The following LRBA variants were observed in gnomAD, a reference collection of about 807,000 sequenced individuals.
The protein encoded by LRBA is LPS responsive beige-like anchor protein.
In LRBA, 176 loss-of-function variants were observed where a neutral mutation model predicts 330.0. The observed-to-expected ratio is 0.53, with a 90% CI of 0.47 to 0.60. The LOEUF is 0.60. LRBA is among the 20% of genes least tolerant of loss of function. The pLI, the probability that LRBA is intolerant of heterozygous loss-of-function variation, is 0.00. For missense variants in LRBA, 3,259 were observed against 3,444.8 expected (o/e 0.95, Z 1.35); for synonymous variants, 1,230 against 1,193.0 (o/e 1.03, Z -0.64).
chr4:150,702,046 T>C (rs1271595755), intron 36 of LRBA, among the ~76,000 whole-genome samples: 1 of 151,914 alleles, frequency 6.6e-6, no homozygotes, highest in African/African-American at 2.4e-5. Flanking sequence ...TAGGAGAAAA[T>C]CAAGCGGGAG....
At chr4:150,319,455 T>C (rs564966168) in intron 50 of LRBA, among the ~76,000 whole-genome samples, 2 of 152,278 alleles carry the variant, frequency 1.3e-5, no homozygotes, top group East Asian at 3.9e-4. Flanking sequence ...ATCACCAGCA[T>C]GTTTTTCTTC....
chr4:150,559,672 TTA>T (rs1767872825), intron 40 of LRBA, among the ~76,000 whole-genome samples: 13 of 85,492 alleles, frequency 1.5e-4, no homozygotes, highest in Admixed American at 6.5e-4. Flanking sequence ...AATATATATA[TTA>T]TATAATATAT....
chr4:150,686,641 T>G (rs946799092), intron 36 of LRBA, among the ~76,000 whole-genome samples: 4 of 152,134 alleles, frequency 2.6e-5, no homozygotes, highest in Admixed American at 1.3e-4. Context: ...CTTTCAACAT[T>G]CTCTACTATA....
chr4:150,868,436 TA>T, intron 20 of LRBA, 131 bp from the exon 21 acceptor site: 7 of 485,024 alleles, frequency 1.4e-5, no homozygotes, highest in Non-Finnish European at 2.5e-5. Flanking sequence ...CTTCTGTTAT[TA>T]AAAAAAATCA....
intron 40 of LRBA, among the ~76,000 whole-genome samples, chr4:150,492,562 TTC>T (rs1236616332): frequency 6.6e-6 from 1 of 152,222 alleles, no homozygotes; most frequent in East Asian, 1.9e-4. Context: ...CATCTATTTG[TTC>T]TCTCTTTTAT....
In LRBA at chr4:150,775,452, AACACACACACACAC is replaced by A. The variant is rs200525703; in HGVS notation, c.5581-13619_5581-13606del. 2.1e-3 allele frequency among the ~76,000 whole-genome samples: 70 copies of A among 33,954 alleles called. 1 individual carries two copies. Among genetic ancestry groups the A allele is most frequent in the African/African-American group, 2.7e-3 (53 of 19,486 alleles). 22.3% of individuals were successfully genotyped at this position (33,954 alleles called of 152,430 possible). A position where few individuals can be genotyped will look rare whatever the true frequency, so the allele number is the denominator to read the frequency against. ...ATTTCTAAAAGGAAGTCTGCAATGGAACACACACACACACACACACACACACACACACACACACA... is the reference window on the plus strand; with the variant it reads ...ATTTCTAAAAGGAAGTCTGCAATGGAACACACACACACACACACACACACA... On this transcript the variant is annotated intron_variant, in intron 34 of 56. Coordinates refer to ENST00000651943, the MANE Select transcript of LRBA (RefSeq NM_001364905.1).
intron 36 of LRBA, among the ~76,000 whole-genome samples, chr4:150,685,420 ATTTTTTTTTTTTTT>A (rs70941424): frequency 1.7e-3 from 30 of 17,432 alleles, no homozygotes; most frequent in South Asian, 0.01. Context: ...ATATATATAT[ATTTTTTTTTTTTTT>A]TTTTTTTTTT....
chr4:150,818,534 G>C (rs368978554), intron 30 of LRBA, among the ~76,000 whole-genome samples: 53 of 106,858 alleles, frequency 5.0e-4, no homozygotes, highest in Non-Finnish European at 7.4e-4. Context: ...ACGAATGTCT[G>C]TGTGTGTGTG....
chr4:150,512,673 T>C (rs1471280761), intron 40 of LRBA, among the ~76,000 whole-genome samples: 1 of 146,542 alleles, frequency 6.8e-6, no homozygotes, highest in Admixed American at 6.9e-5. Flanking sequence ...ACCCAGTCTA[T>C]GGTACTTTGT....
At chr4:150,913,757 T>C (rs886828163) in intron 9 of LRBA, among the ~76,000 whole-genome samples, 2 of 152,248 alleles carry the variant, frequency 1.3e-5, no homozygotes, top group Non-Finnish European at 1.5e-5. Context: ...ACTGACCCTA[T>C]CATCATAAAA....
chr4:150,352,411 T>G (rs1405539608), intron 47 of LRBA, among the ~76,000 whole-genome samples: 1 of 152,194 alleles, frequency 6.6e-6, no homozygotes, highest in African/African-American at 2.4e-5. Context: ...AATATAAAAT[T>G]GAAAATATAA....
chr4:150,953,505 A>T (rs1343561881), intron 2 of LRBA, among the ~76,000 whole-genome samples: 1 of 151,878 alleles, frequency 6.6e-6, no homozygotes, highest in African/African-American at 2.4e-5. Context: ...CTGGGATTGC[A>T]GGTGCGCACC....
intron 2 of LRBA, among the ~76,000 whole-genome samples, chr4:150,931,585 C>G (rs144713209): frequency 6.8e-6 from 1 of 147,142 alleles, no homozygotes; most frequent in African/African-American, 2.5e-5. Context: ...CACAGCCAGA[C>G]TCTGTCTCCA....
At chr4:150,812,734 A>T (rs1164961774) in intron 31 of LRBA, among the ~76,000 whole-genome samples, 1 of 152,214 alleles carries the variant, frequency 6.6e-6, no homozygotes, top group Non-Finnish European at 1.5e-5. Flanking sequence ...CTAATATTCT[A>T]GTAAGTGGTA....
intron 37 of LRBA, among the ~76,000 whole-genome samples, chr4:150,661,050 C>T (rs1781024061): frequency 9.8e-6 from 1 of 101,742 alleles, no homozygotes; most frequent in Non-Finnish European, 1.9e-5. Context: ...GTGAGAAACA[C>T]CCAAGAATTA....
intron 37 of LRBA, among the ~76,000 whole-genome samples, chr4:150,642,617 A>G (rs1778787110): frequency 6.6e-6 from 1 of 151,928 alleles, no homozygotes; most frequent in African/African-American, 2.4e-5. Flanking sequence ...CACAAGCAAA[A>G]TCACAATGCA....
chr4:150,644,232 T>C (rs1480394871), intron 37 of LRBA, among the ~76,000 whole-genome samples: 1 of 151,908 alleles, frequency 6.6e-6, no homozygotes. Context: ...ATAATACACA[T>C]CAATATTACC....
At chr4:150,601,748 G>A (rs959389180) in intron 37 of LRBA, among the ~76,000 whole-genome samples, 1 of 151,396 alleles carries the variant, frequency 6.6e-6, no homozygotes. Flanking sequence ...CTGGAGTGCA[G>A]TGGCACTATC....
chr4:150,352,611 TAAG>T (rs753970905), intron 47 of LRBA, among the ~76,000 whole-genome samples: 28 of 152,116 alleles, frequency 1.8e-4, no homozygotes, highest in Non-Finnish European at 3.7e-4. Flanking sequence ...TTACTTGAAA[TAAG>T]AAGAGAGGAG....
Sources: allele counts gnomAD v4.1 joint callset (sites outside exome capture counted in the v4.1 genomes callset), GRCh38; gene constraint gnomAD v4.1.1; transcripts MANE v1.5; gene names NCBI Gene and HGNC (gene_info 2026-07-23, HGNC 2026-07-21).